Variants in TRRAP observed in about 807,000 individuals in gnomAD.
The protein encoded by TRRAP is transformation/transcription domain-associated protein.
Under a neutral mutation model 438.8 loss-of-function variants are expected in TRRAP, and 41 were observed. The observed-to-expected ratio is 0.09, with a 90% confidence interval of 0.07 to 0.12. TRRAP has a LOEUF of 0.12. Ranked by LOEUF, TRRAP falls within the 10% of genes least tolerant of loss-of-function variation. TRRAP has a pLI of 1.00. For missense variants in TRRAP, 3,122 were observed against 5,055.1 expected (o/e 0.62, Z 11.60); for synonymous variants, 1,994 against 1,962.9 (o/e 1.02, Z -0.42).
intron 3 of TRRAP, among the ~76,000 whole-genome samples, chr7:98,883,876 C>G (rs1554403540): frequency 6.6e-6 from 1 of 152,138 alleles, no homozygotes; most frequent in African/African-American, 2.4e-5. Context: ...GACTCTAGAT[C>G]CTATTATCTC....
At chr7:98,970,745 C>CATT (rs1315809904) in intron 52 of TRRAP, among the ~76,000 whole-genome samples, 2 of 152,180 alleles carry the variant, frequency 1.3e-5, no homozygotes, top group Non-Finnish European at 2.9e-5. Flanking sequence ...AGCCCGTGTT[C>CATT]ATTACAGAAA....
At chr7:98,977,500 G>A (rs755259042) in intron 56 of TRRAP, among the ~76,000 whole-genome samples, 3 of 152,140 alleles carry the variant, frequency 2.0e-5, no homozygotes, top group Non-Finnish European at 4.4e-5. Flanking sequence ...TTTCAGTCCC[G>A]CACGTAAAGG....
chr7:98,976,405 G>C lies in TRRAP; in HGVS notation c.7960-78G>C. ...CTGTCACTCGAGCGAATTAGGAAAG[G>C]TATTCTTGCATCGAGAGAGACAGCA... is the stretch of plus-strand genomic sequence containing the variant. On this transcript the variant is annotated intron_variant, in intron 54 of 72. Transcript: ENST00000456197. The surrounding 1 kb of genome is among the most constrained non-coding windows in gnomAD (Gnocchi z 4.6). 6.4e-7 allele frequency: 1 copy of C among 1,573,832 alleles called. No homozygotes were observed. Among genetic ancestry groups the C allele is most frequent in the Non-Finnish European group, 8.6e-7 (1 of 1,162,738 alleles).
intron 30 of TRRAP, among the ~76,000 whole-genome samples, chr7:98,940,437 C>T (rs1554415329): frequency 1.3e-5 from 2 of 152,158 alleles, no homozygotes; most frequent in East Asian, 1.9e-4. Flanking sequence ...TGAACCACTG[C>T]GCCTGGCCCA....
At chr7:98,961,544 G>C (rs528419632) in intron 46 of TRRAP, 70 bp downstream of exon 46, 2 of 1,552,952 alleles carry the variant, frequency 1.3e-6, no homozygotes, top group Non-Finnish European at 1.8e-6. Context: ...CTATGAGAGC[G>C]CTTGTCCTCC....
At position 98,984,667 on chromosome 7, in the gene TRRAP, A is replaced by G. The variant is rs1045501861; in HGVS notation, c.9289-277A>G. Among the ~76,000 whole-genome samples, 12 of 152,344 alleles carry G rather than the reference A, an allele frequency of 7.9e-5. No homozygotes were observed. The East Asian group carries it at 2.1e-3, about 27-fold the overall frequency. ...ATAGATTTTGACTATTTTCAGAGGAATCTTGATAAGAACAATAAAACCGAC... is the reference window on the plus strand; with the variant it reads ...ATAGATTTTGACTATTTTCAGAGGAGTCTTGATAAGAACAATAAAACCGAC... On this transcript the variant is annotated intron_variant, in intron 61 of 72. Transcript: ENST00000456197.
At chr7:98,983,122 G>A (rs1584391227) in intron 59 of TRRAP, 142 bp from the exon 60 acceptor site, 1 of 729,736 alleles carries the variant, frequency 1.4e-6, no homozygotes, top group Non-Finnish European at 2.2e-6. Flanking sequence ...TCAGGTGTCT[G>A]TGGTGTAAAT....
intron 33 of TRRAP, among the ~76,000 whole-genome samples, chr7:98,946,552 C>A (rs1308669304): frequency 1.3e-5 from 2 of 151,068 alleles, no homozygotes; most frequent in Non-Finnish European, 3.0e-5. Flanking sequence ...GCACTCACAC[C>A]ACACATGCAC....
chr7:99,001,304 C>G (rs1793908730), intron 67 of TRRAP, among the ~76,000 whole-genome samples: 1 of 152,194 alleles, frequency 6.6e-6, no homozygotes, highest in African/African-American at 2.4e-5. Flanking sequence ...CCCGGTCCTC[C>G]CCGTCTATAC....
At chr7:98,975,023 G>C (rs1375451207) in intron 53 of TRRAP, among the ~76,000 whole-genome samples, 1 of 152,186 alleles carries the variant, frequency 6.6e-6, no homozygotes, top group Non-Finnish European at 1.5e-5. Flanking sequence ...ACCTTGCTGG[G>C]CTCTTCAATT....
chr7:98,899,971 G>T (rs782644068), intron 10 of TRRAP, among the ~76,000 whole-genome samples: 1 of 152,170 alleles, frequency 6.6e-6, no homozygotes, highest in Admixed American at 6.5e-5. Flanking sequence ...ATAATAGCTC[G>T]TATTCTGGTG....
chr7:98,952,640 T>C (rs1554418409), intron 39 of TRRAP, among the ~76,000 whole-genome samples: 1 of 152,160 alleles, frequency 6.6e-6, no homozygotes, highest in African/African-American at 2.4e-5. Flanking sequence ...TGTGCCTTTC[T>C]CTAAAAATGG....
chr7:98,951,562 T>C (rs310733), intron 39 of TRRAP, among the ~76,000 whole-genome samples: 135,875 of 152,226 alleles, frequency 0.89, 60,719 homozygotes, highest in South Asian at 0.93. Context: ...TTCCCCAAGG[T>C]TTACTGTATT....
At chr7:98,930,368 G>A (rs1173136823) in intron 24 of TRRAP, among the ~76,000 whole-genome samples, 162 bp downstream of exon 24, 4 of 152,236 alleles carry the variant, frequency 2.6e-5, no homozygotes, top group South Asian at 4.1e-4. Flanking sequence ...CCTGAGGTTG[G>A]GAGTTCGAGA....
At chr7:98,890,248 A>G (rs1795906251) in intron 3 of TRRAP, 87 bp from the exon 4 acceptor site, 1 of 821,386 alleles carries the variant, frequency 1.2e-6, no homozygotes, top group Non-Finnish European at 1.7e-6. Context: ...AATGTTTTAT[A>G]TTCCTTTGCA....
chr7:99,002,343 A>G (rs752335059), intron 67 of TRRAP, among the ~76,000 whole-genome samples: 2 of 152,206 alleles, frequency 1.3e-5, no homozygotes, highest in East Asian at 1.9e-4. Context: ...GACTGTGCCA[A>G]TGTCACTTTT....
rs1300100130 is a variant in TRRAP at position 99,012,465 on chromosome 7, T to TTG, written c.*111_*112insGT. On this transcript the variant is annotated 3_prime_UTR_variant, in exon 73 of 73. Transcript: ENST00000456197. This position sits in a 1 kb window ranked among gnomAD's most constrained non-coding sequence, Gnocchi z 5.9. ...CTTATATTCACAGAAGCCCCATAGTTTCACTGGGTTGCGGTTATTTTCCTG... is the reference window on the plus strand; with the variant it reads ...CTTATATTCACAGAAGCCCCATAGTTTGTCACTGGGTTGCGGTTATTTTCCTG... 3.1e-6 allele frequency: 4 copies of TTG among 1,298,380 alleles called. No individual in the cohort carries two copies. The highest frequency in any genetic ancestry group is 3.0e-5 in the African/African-American group (2 of 66,908). The allele number at this position is 1,298,380 out of a possible 1,614,324, so 80.4% of individuals were successfully genotyped here. A position where few individuals can be genotyped will look rare whatever the true frequency, so the allele number is the denominator to read the frequency against.
chr7:98,880,956 A>C, intron 1 of TRRAP, 134 bp from the exon 2 acceptor site: 1 of 412,538 alleles, frequency 2.4e-6, no homozygotes. Context: ...TATTAAAAAA[A>C]CCAGAAGGAA....
At chr7:98,957,897 C>A in intron 43 of TRRAP, 84 bp from the exon 44 acceptor site, 1 of 1,173,404 alleles carries the variant, frequency 8.5e-7, no homozygotes, top group Non-Finnish European at 1.2e-6. Flanking sequence ...GTACCGCATA[C>A]CCATTAGCTG....
Sources: gnomAD v4.1 joint callset for allele counts (sites outside exome capture counted in the v4.1 genomes callset) on GRCh38, gnomAD v4.1.1 for gene constraint, Gnocchi (gnomAD v3.1) non-coding constraint, MANE v1.5 for transcripts, NCBI Gene and HGNC (gene_info 2026-07-23, HGNC 2026-07-21) for gene names.